The following MEGF11 variants were observed in gnomAD, a reference collection of about 807,000 sequenced individuals.
MEGF11 encodes multiple EGF like domains 11, also known as multiple epidermal growth factor-like domains protein 11.
A neutral mutation model predicts 146.6 loss-of-function variants in MEGF11; 126 were observed. The ratio of observed to expected loss-of-function variants is 0.86; its 90% CI spans 0.74 to 1.00. The LOEUF (loss-of-function observed/expected upper bound fraction) is 1.00. MEGF11 is among the 50% of genes least tolerant of loss of function. The pLI is 0.00. For synonymous variants in MEGF11, 532 were observed against 583.4 expected (o/e 0.91, Z 1.27); for missense variants, 1,509 against 1,521.2 (o/e 0.99, Z 0.13).
intron 3 of MEGF11, among the ~76,000 whole-genome samples, chr15:66,121,820 G>A (rs1485526799): frequency 6.6e-6 from 1 of 152,226 alleles, no homozygotes; most frequent in Non-Finnish European, 1.5e-5. Flanking sequence ...AACTTTCAGA[G>A]TTTGGAATTT....
At chr15:66,208,648 A>G (rs35097854) in intron 1 of MEGF11, among the ~76,000 whole-genome samples, 72,904 of 151,396 alleles carry the variant, frequency 0.48, 17,935 homozygotes, top group African/African-American at 0.51. Context: ...TTGGGAGGTC[A>G]AGGTGGGCAG....
intron 1 of MEGF11, among the ~76,000 whole-genome samples, chr15:66,155,803 T>C (rs1169809775): frequency 6.6e-6 from 1 of 152,234 alleles, no homozygotes; most frequent in African/African-American, 2.4e-5. Context: ...CCCAAGTCTG[T>C]GTTCTTCTTC....
intron 5 of MEGF11, among the ~76,000 whole-genome samples, chr15:66,071,953 C>A (rs1226273314): frequency 6.6e-6 from 1 of 152,242 alleles, no homozygotes; most frequent in East Asian, 1.9e-4. Context: ...GACCCAGGCA[C>A]TGCTCACAGA....
intron 10 of MEGF11, among the ~76,000 whole-genome samples, chr15:65,955,800 A>G (rs1228008462): frequency 5.4e-5 from 3 of 56,034 alleles, no homozygotes; most frequent in East Asian, 9.4e-4. Context: ...ATATACACAC[A>G]CACACACACA....
At chr15:66,151,078 G>A (rs1186888119) in intron 1 of MEGF11, among the ~76,000 whole-genome samples, 3 of 152,146 alleles carry the variant, frequency 2.0e-5, no homozygotes, top group Admixed American at 1.3e-4. Flanking sequence ...AATATTTCAG[G>A]AGTGTCCCAC....
chr15:66,143,616 G>A (rs1011846822), intron 1 of MEGF11, among the ~76,000 whole-genome samples: 2 of 152,216 alleles, frequency 1.3e-5, no homozygotes, highest in Admixed American at 6.5e-5. Context: ...GAGGCAGAGC[G>A]AGATGCCTCA....
chr15:66,234,268 G>A (rs936907049), intron 1 of MEGF11, among the ~76,000 whole-genome samples: 3 of 152,206 alleles, frequency 2.0e-5, no homozygotes, highest in Admixed American at 6.5e-5. Context: ...GCGCTATTGC[G>A]AGGATGTGCT....
Position 65,964,968 on chromosome 15 carries a change from T to G in MEGF11, c.1052A>C (p.Glu351Ala). ...GGTGCAGCCTGGGCCATGCAGGCCC[T>G]CCGGGCACAGTCGCTCCTGGCAGCG... is the stretch of plus-strand genomic sequence containing the variant. ...GPRCQERLCP[E>A]GLHGPGCTLP... is the part of the protein sequence containing the mutation. The change falls in exon 9 of 26, where the codon GAG (glutamate) becomes GCG (alanine). Residue 351 changes from glutamate (E) to alanine (A), a missense_variant. Coordinates refer to ENST00000395614, the MANE Select transcript of MEGF11 (RefSeq NM_001385028.1). The G allele has an allele frequency of 1.3e-6, 2 of 1,571,908 alleles. No individual in the cohort carries two copies. The highest frequency in any genetic ancestry group is 1.4e-5 in the African/African-American group (1 of 74,066).
chr15:66,243,357 C>G (rs1218843220), intron 1 of MEGF11, among the ~76,000 whole-genome samples: 4 of 152,228 alleles, frequency 2.6e-5, no homozygotes, highest in Non-Finnish European at 5.9e-5. Flanking sequence ...TGGGCCCTGA[C>G]CGGGGAGGCA....
At chr15:66,248,070 C>T (rs1265536013) in intron 1 of MEGF11, among the ~76,000 whole-genome samples, 1 of 151,976 alleles carries the variant, frequency 6.6e-6, no homozygotes, top group African/African-American at 2.4e-5. Flanking sequence ...ACACATGATT[C>T]ACAATTCTAG....
In MEGF11 at chr15:65,930,930, G is replaced by A. The variant is rs866087080; in HGVS notation, c.1301C>T (p.Ala434Val). ...CAPGFMGEVC[A>V]VSCAAGTYGP... Reference sequence around the variant, plus strand: ...ATAGGTCCCTGCTGCACAGGAAACGGCACAGACCTCTCCCTGGAAAGGGAG... The same window carrying A: ...ATAGGTCCCTGCTGCACAGGAAACGACACAGACCTCTCCCTGGAAAGGGAG... The change falls in exon 11 of 26, where the codon GCC becomes GTC. Residue 434 changes from alanine (A) to valine (V), a missense_variant. Physicochemically the swap from Ala to Val is moderately conservative, Grantham distance 64. Transcript: ENST00000395614. 2.5e-6 allele frequency: 4 copies of A among 1,594,960 alleles called. No homozygotes were observed. The highest frequency in any genetic ancestry group is 3.4e-6 in the Non-Finnish European group (4 of 1,167,746).
chr15:66,065,930 G>T (rs536214592), intron 5 of MEGF11, among the ~76,000 whole-genome samples: 1 of 152,142 alleles, frequency 6.6e-6, no homozygotes, highest in African/African-American at 2.4e-5. Flanking sequence ...CTGGGGTGAG[G>T]GCTGTGCCTT....
chr15:65,917,960 G>A lies in MEGF11; in HGVS notation c.2086+6C>T, dbSNP rs369373580. 17 of 1,613,978 alleles carry A rather than the reference G, an allele frequency of 1.1e-5. No homozygotes were observed. The African/African-American group carries it at 2.0e-4, about 19-fold the overall frequency. On this transcript the variant is annotated splice_donor_region_variant and intron_variant, in intron 16 of 25. Transcript: ENST00000395614. Reference sequence around the variant, plus strand: ...GTAGGGGCATTCCCAGGTGGCAGCAGCTTACCCTGTGAGCAGTCCTTGCCA... The same window carrying A: ...GTAGGGGCATTCCCAGGTGGCAGCAACTTACCCTGTGAGCAGTCCTTGCCA...
At chr15:66,142,351 G>A (rs1466049006) in intron 1 of MEGF11, among the ~76,000 whole-genome samples, 1 of 152,202 alleles carries the variant, frequency 6.6e-6, no homozygotes, top group Admixed American at 6.5e-5. Flanking sequence ...CAACATCTTT[G>A]CATCAAAAAG....
intron 1 of MEGF11, among the ~76,000 whole-genome samples, chr15:66,133,913 C>G (rs761939086): frequency 6.6e-6 from 1 of 152,056 alleles, no homozygotes; most frequent in Non-Finnish European, 1.5e-5. Context: ...GCCTGGCCCC[C>G]GGGATAAATC....
chr15:65,918,237 G>C, intron 15 of MEGF11, 143 bp from the exon 16 acceptor site: 1 of 1,161,228 alleles, frequency 8.6e-7, no homozygotes, highest in East Asian at 2.5e-5. Context: ...CGCCCGCCTT[G>C]GTACCCTTGT....
intron 1 of MEGF11, among the ~76,000 whole-genome samples, chr15:66,230,158 C>T (rs897547480): frequency 1.3e-5 from 2 of 152,138 alleles, no homozygotes; most frequent in Non-Finnish European, 2.9e-5. Context: ...AGCTCACAAA[C>T]TAGCTGGGTA....
chr15:65,965,596 C>CTTTTT (rs1567180017), intron 8 of MEGF11, among the ~76,000 whole-genome samples: 1 of 14,638 alleles, frequency 6.8e-5, no homozygotes, highest in Non-Finnish European at 1.5e-4. Context: ...TTCTTTCTTT[C>CTTTTT]TTTCTTTTTT....
chr15:66,039,558 G>A (rs140956809), intron 5 of MEGF11, among the ~76,000 whole-genome samples: 132 of 152,342 alleles, frequency 8.7e-4, no homozygotes, highest in African/African-American at 3.1e-3. Context: ...ACAGTGAGTT[G>A]AGTAGACTGC....
Sources: allele counts gnomAD v4.1 joint callset (sites outside exome capture counted in the v4.1 genomes callset), GRCh38; gene constraint gnomAD v4.1.1; transcripts MANE v1.5; gene names NCBI Gene and HGNC (gene_info 2026-07-23, HGNC 2026-07-21).